Variants in PRKAA2 observed in about 807,000 individuals in gnomAD.
PRKAA2 encodes protein kinase AMP-activated catalytic subunit alpha 2.
A neutral mutation model predicts 56.3 loss-of-function variants in PRKAA2; 40 were observed. That is an observed-to-expected ratio of 0.71 (90% CI 0.55 to 0.92). PRKAA2 has a LOEUF of 0.92. PRKAA2 is among the 40% of genes least tolerant of loss of function. The pLI, the probability that PRKAA2 is intolerant of heterozygous loss-of-function variation, is 0.00. For missense variants in PRKAA2, 542 were observed against 686.9 expected, an observed-to-expected ratio of 0.79 and a Z score of 2.36; for synonymous variants, 214 against 234.2, an observed-to-expected ratio of 0.91 and a Z score of 0.79.
intron 1 of PRKAA2, among the ~76,000 whole-genome samples, chr1:56,664,290 A>C (rs1311592437): frequency 2.0e-5 from 3 of 152,100 alleles, no homozygotes; most frequent in African/African-American, 7.2e-5. Context: ...ATGTTGCTTT[A>C]ATAGGGACTC....
intron 1 of PRKAA2, among the ~76,000 whole-genome samples, chr1:56,661,080 C>T (rs952228766): frequency 6.6e-6 from 1 of 152,046 alleles, no homozygotes; most frequent in East Asian, 1.9e-4. Flanking sequence ...ACCAGAGTTA[C>T]GGCTTTTGAC....
At chr1:56,671,590 T>C (rs1644077431) in intron 1 of PRKAA2, 1 of 152,240 alleles carries the variant, frequency 6.6e-6, no homozygotes, top group African/African-American at 2.4e-5. Context: ...CTTCATTAAA[T>C]TTTTTGACAT....
intron 6 of PRKAA2, among the ~76,000 whole-genome samples, chr1:56,699,960 G>T (rs1247561503): frequency 6.6e-6 from 1 of 152,138 alleles, no homozygotes; most frequent in Non-Finnish European, 1.5e-5. Context: ...ATATTCCAGT[G>T]TATGAATATA....
chr1:56,653,882 T>C (rs1643922201), intron 1 of PRKAA2, among the ~76,000 whole-genome samples: 1 of 152,060 alleles, frequency 6.6e-6, no homozygotes, highest in Non-Finnish European at 1.5e-5. Context: ...ATTATATATA[T>C]TTTGTATACA....
chr1:56,672,551 A>G (rs1460888821), intron 1 of PRKAA2, among the ~76,000 whole-genome samples: 2 of 152,206 alleles, frequency 1.3e-5, no homozygotes, highest in Non-Finnish European at 2.9e-5. Flanking sequence ...ATGACATAAC[A>G]TAAGGGTCTA....
At chr1:56,677,901 C>T (rs550924458) in intron 2 of PRKAA2, among the ~76,000 whole-genome samples, 6 of 152,166 alleles carry the variant, frequency 3.9e-5, no homozygotes, top group Non-Finnish European at 8.8e-5. Flanking sequence ...AAACCATCAG[C>T]CTGCCGCAGC....
intron 1 of PRKAA2, among the ~76,000 whole-genome samples, chr1:56,649,191 T>C (rs1402547971): frequency 1.3e-5 from 2 of 152,222 alleles, no homozygotes; most frequent in Non-Finnish European, 2.9e-5. Context: ...ATTTTAGCCC[T>C]GATGTTTAAC....
intron 5 of PRKAA2, among the ~76,000 whole-genome samples, chr1:56,694,571 C>T (rs1447927963): frequency 6.6e-6 from 1 of 152,036 alleles, no homozygotes; most frequent in Non-Finnish European, 1.5e-5. Flanking sequence ...CTGGGAAGTC[C>T]AAGATCAAGA....
intron 6 of PRKAA2, among the ~76,000 whole-genome samples, chr1:56,699,007 C>A (rs1329043705): frequency 6.6e-6 from 1 of 152,122 alleles, no homozygotes; most frequent in African/African-American, 2.4e-5. Flanking sequence ...AATCCCAGTG[C>A]ATCTGTTTAT....
chr1:56,656,372 C>G (rs1643942672), intron 1 of PRKAA2, among the ~76,000 whole-genome samples: 1 of 152,156 alleles, frequency 6.6e-6, no homozygotes, highest in African/African-American at 2.4e-5. Context: ...TAGAGTTTCT[C>G]TGGACATAGA....
chr1:56,705,152 G>T (rs370851983), intron 7 of PRKAA2, among the ~76,000 whole-genome samples: 1 of 152,092 alleles, frequency 6.6e-6, no homozygotes, highest in Non-Finnish European at 1.5e-5. Context: ...GAAGAAAAAT[G>T]TGCAAACTTA....
chr1:56,693,095 C>CT (rs1311747814), intron 4 of PRKAA2, among the ~76,000 whole-genome samples: 1 of 152,088 alleles, frequency 6.6e-6, no homozygotes, highest in African/African-American at 2.4e-5. Flanking sequence ...GAGAAAAAGA[C>CT]TAGGAAGTGA....
rs529272931 is a variant in PRKAA2, at chr1:56,711,346, T to A, written c.*3633T>A. 6 of 152,260 alleles carry A rather than the reference T, an allele frequency of 3.9e-5. No individual in the cohort carries two copies. In the South Asian group the frequency reaches 1.2e-3, roughly 32 times the overall value. The allele number at this position is 152,260 out of a possible 1,614,324, so 9.4% of individuals were successfully genotyped here. On this transcript the variant is annotated 3_prime_UTR_variant, in exon 9 of 9. Transcript: ENST00000371244. ...ATTGTAGATTTTTGATCTGTTTGGA[T>A]TTATCTGTAGCATTGAATAATGTGC...
At chr1:56,691,549 CAT>C in intron 3 of PRKAA2, 62 bp downstream of exon 3, 1 of 1,316,374 alleles carries the variant, frequency 7.6e-7, no homozygotes, top group Non-Finnish European at 1.1e-6. Flanking sequence ...AGTATTGGGA[CAT>C]AGAACAATGC....
At position 56,650,754 on chromosome 1, in the gene PRKAA2, C is replaced by T. The variant is rs186376753; in HGVS notation, c.94+5273C>T. Among the ~76,000 whole-genome samples, 10 of 152,290 alleles carry T rather than the reference C, an allele frequency of 6.6e-5. No homozygotes were observed. The East Asian group carries it at 1.2e-3, about 18-fold the overall frequency. ...AAGGGATACTTAGGTTCTTTCTTGTCGGCAAAGTCTCACGAAGAAGTTACC... is the reference window on the plus strand; with the variant it reads ...AAGGGATACTTAGGTTCTTTCTTGTTGGCAAAGTCTCACGAAGAAGTTACC... On this transcript the variant is annotated intron_variant, in intron 1 of 8. Coordinates refer to ENST00000371244, the MANE Select transcript of PRKAA2 (RefSeq NM_006252.4).
At chr1:56,675,434 C>T (rs1056414330) in intron 2 of PRKAA2, among the ~76,000 whole-genome samples, 41 of 151,876 alleles carry the variant, frequency 2.7e-4, no homozygotes, top group African/African-American at 9.7e-4. Flanking sequence ...CTAAAGTAGG[C>T]TTACTTTATA....
chr1:56,661,676 G>T lies in PRKAA2; in HGVS notation c.95-12705G>T, dbSNP rs535172706. 2.0e-5 allele frequency among the ~76,000 whole-genome samples: 3 copies of T among 151,882 alleles called. No individual in the cohort carries two copies. In the South Asian group the frequency reaches 6.2e-4, roughly 31 times the overall value. On this transcript the variant is annotated intron_variant, in intron 1 of 8. Transcript: ENST00000371244. ...TCTATTTTTATTATTTTAGAAAAAC[G>T]TGAATTTAAAACCATATATATAAAT...
chr1:56,703,159 G>A (rs1358088281), intron 6 of PRKAA2, among the ~76,000 whole-genome samples: 1 of 152,076 alleles, frequency 6.6e-6, no homozygotes. Context: ...GAGAAAATAA[G>A]GCTTAGGAGA....
At position 56,674,471 on chromosome 1, in the gene PRKAA2, A is replaced by T. The variant is rs748248170; in HGVS notation, c.185A>T (p.Lys62Ile). The change falls in exon 2 of 9, where the codon AAA becomes ATA. Residue 62 changes from lysine (K) to isoleucine (I), a missense_variant. Transcript: ENST00000371244. ...IRSLDVVGKIKREIQNLKLFR... is the reference protein window; with the variant it reads ...IRSLDVVGKIIREIQNLKLFR... Reference sequence around the variant, plus strand: ...AGTTTAGATGTTGTTGGAAAAATAAAACGAGAAATTCAAAATCTAAAACTC... The same window carrying T: ...AGTTTAGATGTTGTTGGAAAAATAATACGAGAAATTCAAAATCTAAAACTC... 1 of 1,575,160 alleles carries T rather than the reference A, an allele frequency of 6.3e-7. No individual in the cohort carries two copies. Among genetic ancestry groups the T allele is most frequent in the Admixed American group, 1.8e-5 (1 of 55,072 alleles).
Sources: allele counts gnomAD v4.1 joint callset (sites outside exome capture counted in the v4.1 genomes callset), GRCh38; gene constraint gnomAD v4.1.1; transcripts MANE v1.5; gene names NCBI Gene and HGNC (gene_info 2026-07-23, HGNC 2026-07-21).